GTF3C1: variants seen among roughly 807,000 people sequenced by gnomAD.
GTF3C1 encodes general transcription factor IIIC subunit 1, also known as general transcription factor 3C polypeptide 1.
GTF3C1 carries 57 observed loss-of-function variants against 226.7 expected under a neutral mutation model. That is an observed-to-expected ratio of 0.25 (90% CI 0.20 to 0.31). The LOEUF (loss-of-function observed/expected upper bound fraction) is 0.31, where lower values mean the gene tolerates loss of function less well. Ranked by LOEUF, GTF3C1 falls within the 10% of genes least tolerant of loss-of-function variation. GTF3C1 has a pLI of 1.00. For synonymous variants in GTF3C1, 1,090 were observed against 1,084.8 expected, an observed-to-expected ratio of 1.00 and a Z score of -0.09; for missense variants, 2,217 against 2,776.1, an observed-to-expected ratio of 0.80 and a Z score of 4.53.
chr16:27,525,702 T>A (rs1221630354), intron 6 of GTF3C1, among the ~76,000 whole-genome samples: 1 of 152,206 alleles, frequency 6.6e-6, no homozygotes, highest in African/African-American at 2.4e-5. Context: ...TGTGGGTCTG[T>A]CCTCATTCAG....
At chr16:27,514,954 G>T (rs1449034191) in intron 6 of GTF3C1, among the ~76,000 whole-genome samples, 1 of 152,112 alleles carries the variant, frequency 6.6e-6, no homozygotes, top group Admixed American at 6.5e-5. Context: ...AGCACTTGGG[G>T]GAGTCAGACC....
At chr16:27,505,500 T>C (rs1468307112) in intron 10 of GTF3C1, among the ~76,000 whole-genome samples, 2 of 152,188 alleles carry the variant, frequency 1.3e-5, no homozygotes, top group East Asian at 3.8e-4. Flanking sequence ...TCTCCAGATA[T>C]TGCGAAATGT....
At chr16:27,521,350 C>G (rs1181230390) in intron 6 of GTF3C1, among the ~76,000 whole-genome samples, 3 of 152,256 alleles carry the variant, frequency 2.0e-5, no homozygotes, top group Non-Finnish European at 1.5e-5. Context: ...TAGGGCCTCT[C>G]CCTCAGCGTG....
Position 27,495,425 on chromosome 16 carries a change from A to G in GTF3C1, c.2418T>C (p.Phe806=), listed in dbSNP as rs750867671. The change falls in exon 15 of 37, where the codon TTT becomes TTC. Residue 806 remains phenylalanine, a synonymous_variant. Transcript: ENST00000356183. ...KMPRLRVVHM[F]LWYLIYGHPA... is the part of the protein sequence containing the mutation. ...GGTGCCCGTAGATGAGGTACCACAG[A>G]AACATGTGGACCACCCGCAGGCGAG... The G allele has an allele frequency of 1.9e-6, 3 of 1,613,976 alleles. No individual in the cohort carries two copies. In the South Asian group the frequency reaches 3.3e-5, roughly 18 times the overall value.
intron 2 of GTF3C1, among the ~76,000 whole-genome samples, chr16:27,541,297 T>C (rs1401958088): frequency 6.6e-6 from 1 of 152,120 alleles, no homozygotes; most frequent in East Asian, 1.9e-4. Context: ...GGTAGCCAGC[T>C]AGGAAGCAGA....
intron 11 of GTF3C1, among the ~76,000 whole-genome samples, chr16:27,501,778 A>G (rs144581907): frequency 6.6e-6 from 1 of 152,322 alleles, no homozygotes; most frequent in African/African-American, 2.4e-5. Flanking sequence ...TTACTGAGTC[A>G]CTATGGTGAT....
chr16:27,467,187 G>A (rs1391657758), intron 32 of GTF3C1, among the ~76,000 whole-genome samples: 1 of 152,232 alleles, frequency 6.6e-6, no homozygotes, highest in Admixed American at 6.5e-5. Flanking sequence ...GGCTTCAAAC[G>A]ACAGGCCACT....
chr16:27,460,907 CATGGGGGGCCCCT>C lies in GTF3C1; in HGVS notation c.*430_*442del, dbSNP rs1368207155. 2 of 156,216 alleles carry C rather than the reference CATGGGGGGCCCCT, an allele frequency of 1.3e-5. No homozygotes were observed. The highest frequency in any genetic ancestry group is 4.8e-5 in the African/African-American group (2 of 41,558). The allele number at this position is 156,216 out of a possible 1,614,324, so 9.7% of individuals were successfully genotyped here. A position where few individuals can be genotyped will look rare whatever the true frequency, so the allele number is the denominator to read the frequency against. On this transcript the variant is annotated 3_prime_UTR_variant, in exon 37 of 37. Coordinates refer to ENST00000356183, the MANE Select transcript of GTF3C1 (RefSeq NM_001520.4). ...CTGCCTGCGGAGGGGCCACAGCCCC[CATGGGGGGCCCCT>C]CGCAGCGGGGCACACCGATCCCTAT...
At chr16:27,546,280 T>G (rs1023293792) in intron 1 of GTF3C1, among the ~76,000 whole-genome samples, 8 of 152,118 alleles carry the variant, frequency 5.3e-5, no homozygotes, top group Non-Finnish European at 1.0e-4. Flanking sequence ...CAGTCCTTTT[T>G]CTCCAAATAC....
At chr16:27,533,475 A>C in intron 4 of GTF3C1, 88 bp from the exon 5 acceptor site, 2 of 729,234 alleles carry the variant, frequency 2.7e-6, no homozygotes, top group Non-Finnish European at 5.0e-6. Context: ...ACAAAGCAAG[A>C]CTTGACTTAA....
rs199810131 is a variant in GTF3C1, at chr16:27,516,912, A to T, written c.974-5011T>A. Among the ~76,000 whole-genome samples the T allele has an allele frequency of 1.6e-4, 25 of 152,254 alleles. No individual in the cohort carries two copies. In the East Asian group the frequency reaches 4.8e-3, roughly 29 times the overall value. On this transcript the variant is annotated intron_variant, in intron 6 of 36. Coordinates refer to ENST00000356183, the MANE Select transcript of GTF3C1 (RefSeq NM_001520.4). Reference sequence around the variant, plus strand: ...CCTCCCAAAGTAGAGGGTTATAGTCATGGGTCACCGAGCTAAGCCTGGTGC... The same window carrying T: ...CCTCCCAAAGTAGAGGGTTATAGTCTTGGGTCACCGAGCTAAGCCTGGTGC...
chr16:27,467,769 C>T (rs2141344940), intron 32 of GTF3C1, among the ~76,000 whole-genome samples: 1 of 152,196 alleles, frequency 6.6e-6, no homozygotes, highest in East Asian at 1.9e-4. Flanking sequence ...ACTCGGGAGG[C>T]TGAGCTAGGA....
intron 19 of GTF3C1, among the ~76,000 whole-genome samples, chr16:27,490,696 CAG>C (rs1198030002): frequency 6.6e-5 from 10 of 152,204 alleles, no homozygotes; most frequent in Admixed American, 3.9e-4. Flanking sequence ...GTGAAAAATG[CAG>C]ACTCTCCAGG....
intron 4 of GTF3C1, among the ~76,000 whole-genome samples, chr16:27,536,923 T>C (rs1480783066): frequency 1.3e-5 from 2 of 152,334 alleles, no homozygotes; most frequent in South Asian, 2.1e-4. Flanking sequence ...CTCATTCCGA[T>C]GCCAGGTAAT....
At chr16:27,524,378 T>C (rs2088798843) in intron 6 of GTF3C1, among the ~76,000 whole-genome samples, 1 of 152,250 alleles carries the variant, frequency 6.6e-6, no homozygotes, top group African/African-American at 2.4e-5. Flanking sequence ...ACGGCTAGAT[T>C]GGGCCTGTGT....
chr16:27,476,554 A>AG lies in GTF3C1; in HGVS notation c.4260-11dup. ...GTGGATGTCATCCACGCTGAAAGAGAGGGGGCAGCAGGGCACCATGAGACC... is the reference window on the plus strand; with the variant it reads ...GTGGATGTCATCCACGCTGAAAGAGAGGGGGGCAGCAGGGCACCATGAGACC... On this transcript the variant is annotated splice_polypyrimidine_tract_variant and intron_variant, in intron 28 of 36. Coordinates refer to ENST00000356183, the MANE Select transcript of GTF3C1 (RefSeq NM_001520.4). 1 of 1,508,654 alleles carries AG rather than the reference A, an allele frequency of 6.6e-7. No homozygotes were observed. Among genetic ancestry groups the AG allele is most frequent in the Non-Finnish European group, 9.2e-7 (1 of 1,085,540 alleles). The allele number at this position is 1,508,654 out of a possible 1,614,324, so 93.5% of individuals were successfully genotyped here.
rs118074784 is a variant in GTF3C1 at position 27,542,193 on chromosome 16, C to T, written c.431+3121G>A. On this transcript the variant is annotated intron_variant, in intron 2 of 36. Coordinates refer to ENST00000356183, the MANE Select transcript of GTF3C1 (RefSeq NM_001520.4). ...CCACGTGCATGAGAGTACATCTGACCAGAATAAAGAACGAGAAAAGGCAGT... is the reference window on the plus strand; with the variant it reads ...CCACGTGCATGAGAGTACATCTGACTAGAATAAAGAACGAGAAAAGGCAGT... 2.0e-5 allele frequency among the ~76,000 whole-genome samples: 3 copies of T among 152,106 alleles called. No homozygotes were observed. The East Asian group carries it at 5.8e-4, about 29-fold the overall frequency.
In GTF3C1 at chr16:27,469,570, T is replaced by C. The variant is rs1274757074; in HGVS notation, c.4815-20A>G. ...CCCAAGCTAGAAGGGAATTGTGACC[T>C]GGATACCTGAGCATAGGCCAGCCAG... On this transcript the variant is annotated intron_variant, in intron 31 of 36. Coordinates refer to ENST00000356183, the MANE Select transcript of GTF3C1 (RefSeq NM_001520.4). This position sits in a 1 kb window ranked among gnomAD's most constrained non-coding sequence, Gnocchi z 4.5. 3 of 1,599,840 alleles carry C rather than the reference T, an allele frequency of 1.9e-6. No individual in the cohort carries two copies. The African/African-American group carries it at 4.0e-5, about 21-fold the overall frequency.
At position 27,463,166 on chromosome 16, in the gene GTF3C1, G is replaced by C; in HGVS notation, c.5924+375C>G. ...TGTAACTCTGTGGCATGGTTGTCCCGGGGGCAGCTGGGCATTCAGGGCTTA... is the reference window on the plus strand; with the variant it reads ...TGTAACTCTGTGGCATGGTTGTCCCCGGGGCAGCTGGGCATTCAGGGCTTA... On this transcript the variant is annotated intron_variant, in intron 35 of 36. Transcript: ENST00000356183. This position sits in a 1 kb window ranked among gnomAD's most constrained non-coding sequence, Gnocchi z 4.9. 1 of 243,948 alleles carries C rather than the reference G, an allele frequency of 4.1e-6. No individual in the cohort carries two copies. The highest frequency in any genetic ancestry group is 7.8e-6 in the Non-Finnish European group (1 of 128,244). 15.1% of individuals were successfully genotyped at this position (243,948 alleles called of 1,614,324 possible). A position where few individuals can be genotyped will look rare whatever the true frequency, so the allele number is the denominator to read the frequency against.
Sources: allele counts gnomAD v4.1 joint callset (sites outside exome capture counted in the v4.1 genomes callset), GRCh38; gene constraint gnomAD v4.1.1; non-coding constraint Gnocchi (gnomAD v3.1); transcripts MANE v1.5; gene names NCBI Gene and HGNC (gene_info 2026-07-23, HGNC 2026-07-21).